The following GRIK2 variants were observed in gnomAD, a reference collection of about 807,000 sequenced individuals.
The protein encoded by GRIK2 is glutamate receptor ionotropic, kainate 2.
In GRIK2, 32 loss-of-function variants were observed where a neutral mutation model predicts 100.3. The ratio of observed to expected loss-of-function variants is 0.32; its 90% CI spans 0.24 to 0.43. The LOEUF (loss-of-function observed/expected upper bound fraction) is 0.43. Among genes scored for constraint, GRIK2 ranks in the 20% least tolerant of loss-of-function variants. The probability of loss-of-function intolerance (pLI) is 1.00; values close to 1 mark genes in which losing one functional copy is unlikely to be tolerated. For synonymous variants in GRIK2, 417 were observed against 389.4 expected (o/e 1.07, Z -0.83); for missense variants, 843 against 1,114.9 (o/e 0.76, Z 3.47).
intron 7 of GRIK2, among the ~76,000 whole-genome samples, chr6:101,788,861 C>T (rs981999548): frequency 6.6e-6 from 1 of 152,122 alleles, no homozygotes; most frequent in Non-Finnish European, 1.5e-5. Flanking sequence ...TCCACATCCT[C>T]TCCAGCACCT....
chr6:101,436,212 CTAAT>C (rs1190048553), intron 2 of GRIK2, among the ~76,000 whole-genome samples: 31 of 152,072 alleles, frequency 2.0e-4, no homozygotes, highest in Admixed American at 2.0e-3. Flanking sequence ...CTACATTTTA[CTAAT>C]TATTCATTTT....
intron 7 of GRIK2, among the ~76,000 whole-genome samples, chr6:101,782,488 T>C (rs1441596245): frequency 6.6e-6 from 1 of 152,188 alleles, no homozygotes; most frequent in East Asian, 1.9e-4. Flanking sequence ...TTATTTCACT[T>C]ACCATAATGA....
intron 4 of GRIK2, among the ~76,000 whole-genome samples, chr6:101,668,375 T>C (rs557309108): frequency 6.6e-6 from 1 of 152,304 alleles, no homozygotes; most frequent in African/African-American, 2.4e-5. Flanking sequence ...TCAAACCATT[T>C]TAAATTTTCT....
intron 7 of GRIK2, among the ~76,000 whole-genome samples, chr6:101,769,157 C>T (rs1254051948): frequency 6.6e-6 from 1 of 151,958 alleles, no homozygotes; most frequent in Non-Finnish European, 1.5e-5. Flanking sequence ...AATCTTCTAC[C>T]TTGCATGATG....
chr6:101,796,808 G>T (rs1297998450), intron 7 of GRIK2, among the ~76,000 whole-genome samples: 1 of 152,078 alleles, frequency 6.6e-6, no homozygotes, highest in Non-Finnish European at 1.5e-5. Flanking sequence ...ACCCTTCCAA[G>T]TAGCTGGGCT....
At chr6:101,960,066 T>TG (rs56270655) in intron 14 of GRIK2, among the ~76,000 whole-genome samples, 1 of 150,414 alleles carries the variant, frequency 6.6e-6, no homozygotes, top group African/African-American at 2.4e-5. Flanking sequence ...TTTTTTTTTT[T>TG]GTCTGACTTG....
At chr6:101,693,507 T>A (rs1409275118) in intron 7 of GRIK2, among the ~76,000 whole-genome samples, 1 of 151,728 alleles carries the variant, frequency 6.6e-6, no homozygotes, top group Non-Finnish European at 1.5e-5. Flanking sequence ...CAGACTAACA[T>A]GAAAAAATAA....
At chr6:101,604,251 A>G (rs1779350744) in intron 2 of GRIK2, among the ~76,000 whole-genome samples, 1 of 151,708 alleles carries the variant, frequency 6.6e-6, no homozygotes, top group Admixed American at 6.6e-5. Context: ...CTCTGTTCCT[A>G]AAATTAAAGT....
In GRIK2 at chr6:101,967,322, C is replaced by T. The variant is rs1025025071; in HGVS notation, c.2085+38690C>T. Among the ~76,000 whole-genome samples the T allele has an allele frequency of 8.6e-5, 13 of 151,658 alleles. 1 individual carries two copies. The highest frequency in any genetic ancestry group is 8.3e-4 in the South Asian group (4 of 4,798). On this transcript the variant is annotated intron_variant, in intron 14 of 16. Transcript: ENST00000369134. ...CTTTAAATCATTATTAAACCAGTTG[C>T]GATTTGATATTTTATAGAAAATGCC...
At chr6:101,746,568 C>G (rs956085728) in intron 7 of GRIK2, among the ~76,000 whole-genome samples, 15 of 152,104 alleles carry the variant, frequency 9.9e-5, no homozygotes, top group Non-Finnish European at 1.6e-4. Context: ...CTCAACTAAT[C>G]AGCTCACCTC....
At chr6:102,045,902 A>G (rs1218707950) in intron 15 of GRIK2, among the ~76,000 whole-genome samples, 1 of 152,088 alleles carries the variant, frequency 6.6e-6, no homozygotes, top group East Asian at 1.9e-4. Flanking sequence ...ATCAAAATAC[A>G]TACAGTGGCT....
chr6:101,802,370 A>G lies in GRIK2; in HGVS notation c.1135A>G (p.Lys379Glu), dbSNP rs1562399675. The G allele has an allele frequency of 6.3e-7, 1 of 1,593,070 alleles. No homozygotes were observed. The highest frequency in any genetic ancestry group is 1.3e-5 in the African/African-American group (1 of 74,450). Residue 379 changes from lysine (K) to glutamate (E), a missense_variant, in exon 9 of 17, where the codon AAA becomes GAA. By Grantham distance (56) the Lys-to-Glu change is moderately conservative. Coordinates refer to ENST00000369134, the MANE Select transcript of GRIK2 (RefSeq NM_021956.5). ...CCTCACAGGCAGAATAACTTTCAAC[A>G]AAACCAATGGCTTGAGAACAGATTT... is the stretch of plus-strand genomic sequence containing the variant. ...EGLTGRITFN[K>E]TNGLRTDFDL... is the part of the protein sequence containing the mutation.
chr6:101,963,109 C>T (rs1792407054), intron 14 of GRIK2, among the ~76,000 whole-genome samples: 2 of 151,116 alleles, frequency 1.3e-5, no homozygotes, highest in South Asian at 4.2e-4. Context: ...TTTCTAATGT[C>T]TCTTTTGTCC....
intron 2 of GRIK2, among the ~76,000 whole-genome samples, chr6:101,528,230 A>G (rs959970054): frequency 2.0e-5 from 3 of 152,184 alleles, no homozygotes; most frequent in East Asian, 1.9e-4. Flanking sequence ...ACAGTCACTC[A>G]TGTAAAACAT....
At chr6:101,690,136 A>G (rs1771988582) in intron 7 of GRIK2, among the ~76,000 whole-genome samples, 2 of 152,174 alleles carry the variant, frequency 1.3e-5, no homozygotes, top group South Asian at 4.1e-4. Context: ...TATATCCCAG[A>G]AATCCTTCCC....
chr6:101,850,595 A>T (rs1784076570), intron 10 of GRIK2, among the ~76,000 whole-genome samples: 1 of 152,006 alleles, frequency 6.6e-6, no homozygotes, highest in African/African-American at 2.4e-5. Flanking sequence ...ACATTTTTAT[A>T]CCCTCAACCT....
intron 14 of GRIK2, among the ~76,000 whole-genome samples, chr6:101,997,056 G>A (rs899410754): frequency 2.0e-5 from 3 of 152,014 alleles, no homozygotes; most frequent in Non-Finnish European, 4.4e-5. Flanking sequence ...ACAGAAACGT[G>A]TAACTTGTTA....
At chr6:101,759,729 TTG>T (rs1432515817) in intron 7 of GRIK2, among the ~76,000 whole-genome samples, 1 of 151,802 alleles carries the variant, frequency 6.6e-6, no homozygotes, top group Non-Finnish European at 1.5e-5. Flanking sequence ...ACAGTCACAA[TTG>T]TGTTTGTAAT....
intron 2 of GRIK2, among the ~76,000 whole-genome samples, chr6:101,426,707 C>G (rs1358417626): frequency 6.6e-6 from 1 of 152,176 alleles, no homozygotes; most frequent in Non-Finnish European, 1.5e-5. Context: ...TCTTTCTAAT[C>G]TATCCTATGC....
Sources: allele counts gnomAD v4.1 joint callset (sites outside exome capture counted in the v4.1 genomes callset), GRCh38; gene constraint gnomAD v4.1.1; transcripts MANE v1.5; gene names NCBI Gene and HGNC (gene_info 2026-07-23, HGNC 2026-07-21).